Variants in NALF1 observed in about 807,000 individuals in gnomAD.
The protein encoded by NALF1 is NALCN channel auxiliary factor 1, also known as family with sequence similarity 155 member A.
NALF1 carries 3 observed loss-of-function variants against 48.4 expected under a neutral mutation model. The ratio of observed to expected loss-of-function variants is 0.06; its 90% CI spans 0.03 to 0.16. The LOEUF (loss-of-function observed/expected upper bound fraction) is 0.16, where lower values mean the gene tolerates loss of function less well. Ranked by LOEUF, NALF1 falls within the 10% of genes least tolerant of loss-of-function variation. NALF1 has a pLI of 1.00. For synonymous variants in NALF1, 262 were observed against 245.7 expected (o/e 1.07, Z -0.62); for missense variants, 526 against 571.5 (o/e 0.92, Z 0.81).
chr13:107,481,948 G>T (rs183939951), intron 1 of NALF1, among the ~76,000 whole-genome samples: 12 of 152,188 alleles, frequency 7.9e-5, no homozygotes, highest in Non-Finnish European at 1.6e-4. Context: ...CCTTAATTCT[G>T]CCATTTGCAT....
At chr13:107,347,796 T>TA (rs1419644714) in intron 1 of NALF1, among the ~76,000 whole-genome samples, 1 of 152,248 alleles carries the variant, frequency 6.6e-6, no homozygotes, top group African/African-American at 2.4e-5. Context: ...AACTCAGACT[T>TA]AACAATGTCC....
At position 107,557,820 on chromosome 13, in the gene NALF1, T is replaced by C. The variant is rs771812540; in HGVS notation, c.915+307862A>G. On this transcript the variant is annotated intron_variant, in intron 1 of 2. Coordinates refer to ENST00000375915, the MANE Select transcript of NALF1 (RefSeq NM_001080396.3). ...GTGAAAAAGCAAGCACGGACACCCATGCAGCTGAGGAACCGAAAAGAGGCT... is the reference window on the plus strand; with the variant it reads ...GTGAAAAAGCAAGCACGGACACCCACGCAGCTGAGGAACCGAAAAGAGGCT... Among the ~76,000 whole-genome samples, 27 of 152,154 alleles carry C rather than the reference T, an allele frequency of 1.8e-4. 1 individual carries two copies. In the South Asian group the frequency reaches 1.9e-3, roughly 11 times the overall value.
In NALF1 at chr13:107,553,623, A is replaced by G. The variant is rs149504352; in HGVS notation, c.915+312059T>C. 2.5e-3 allele frequency among the ~76,000 whole-genome samples: 376 copies of G among 152,338 alleles called. 2 individuals are homozygous for G. The highest frequency in any genetic ancestry group is 8.2e-3 in the African/African-American group (342 of 41,580). On this transcript the variant is annotated intron_variant, in intron 1 of 2. Coordinates refer to ENST00000375915, the MANE Select transcript of NALF1 (RefSeq NM_001080396.3). ...ATGTCCTAGTTGAATTGTCATATCA[A>G]TAAAATCTCACCAATCAAAATATTC...
intron 1 of NALF1, among the ~76,000 whole-genome samples, chr13:107,437,647 A>G (rs1884484511): frequency 6.6e-6 from 1 of 152,226 alleles, no homozygotes; most frequent in Non-Finnish European, 1.5e-5. Context: ...CCAACTTAGA[A>G]AAAGTGTCAG....
intron 1 of NALF1, among the ~76,000 whole-genome samples, chr13:107,698,060 T>A (rs909299749): frequency 5.3e-5 from 8 of 152,170 alleles, no homozygotes; most frequent in Non-Finnish European, 7.4e-5. Flanking sequence ...CTTGCTTTTT[T>A]AAATTTCTTC....
chr13:107,671,318 A>G (rs1184748398), intron 1 of NALF1, among the ~76,000 whole-genome samples: 2 of 152,108 alleles, frequency 1.3e-5, no homozygotes, highest in Non-Finnish European at 2.9e-5. Context: ...AGAATTACAC[A>G]GGGGAGTTTT....
At chr13:107,368,183 A>AC (rs1883184713) in intron 1 of NALF1, among the ~76,000 whole-genome samples, 1 of 152,218 alleles carries the variant, frequency 6.6e-6, no homozygotes, top group Non-Finnish European at 1.5e-5. Context: ...ACTAAAAGTT[A>AC]TAACACCAAT....
At chr13:107,336,072 C>T (rs1438818234) in intron 1 of NALF1, among the ~76,000 whole-genome samples, 1 of 152,070 alleles carries the variant, frequency 6.6e-6, no homozygotes, top group Non-Finnish European at 1.5e-5. Flanking sequence ...CTAATATCAG[C>T]CAGTCATGGC....
chr13:107,338,907 C>A (rs760706229), intron 1 of NALF1, among the ~76,000 whole-genome samples: 1 of 151,772 alleles, frequency 6.6e-6, no homozygotes, highest in Non-Finnish European at 1.5e-5. Context: ...CTGAGGTGGG[C>A]GGATCACGAG....
intron 1 of NALF1, among the ~76,000 whole-genome samples, chr13:107,259,496 A>G (rs1253572256): frequency 2.0e-5 from 3 of 152,146 alleles, no homozygotes; most frequent in Non-Finnish European, 4.4e-5. Context: ...CAGGACATTG[A>G]GAGGCATGAG....
At chr13:107,276,131 T>C (rs1847663012) in intron 1 of NALF1, among the ~76,000 whole-genome samples, 1 of 152,124 alleles carries the variant, frequency 6.6e-6, no homozygotes, top group Admixed American at 6.6e-5. Flanking sequence ...TGCCATATTC[T>C]ATTCATTAGA....
At chr13:107,627,102 G>A (rs1039433241) in intron 1 of NALF1, among the ~76,000 whole-genome samples, 1 of 145,774 alleles carries the variant, frequency 6.9e-6, no homozygotes, top group African/African-American at 2.4e-5. Context: ...TGTAGACTAA[G>A]GGGATTTTTG....
chr13:107,652,925 G>A (rs1880484099), intron 1 of NALF1, among the ~76,000 whole-genome samples: 1 of 151,998 alleles, frequency 6.6e-6, no homozygotes, highest in South Asian at 2.1e-4. Context: ...TCAAATTGCT[G>A]GAATCTGAAT....
chr13:107,739,876 A>T (rs1479833810), intron 1 of NALF1, among the ~76,000 whole-genome samples: 1 of 152,186 alleles, frequency 6.6e-6, no homozygotes, highest in East Asian at 1.9e-4. Context: ...CATGTGAGGG[A>T]TCTAGGTTGT....
intron 1 of NALF1, among the ~76,000 whole-genome samples, chr13:107,427,642 G>A (rs1884303515): frequency 6.6e-6 from 1 of 152,112 alleles, no homozygotes; most frequent in Admixed American, 6.6e-5. Flanking sequence ...TGATACATTT[G>A]CTTTTTAAAA....
chr13:107,634,838 G>A (rs567450771), intron 1 of NALF1, among the ~76,000 whole-genome samples: 4 of 152,228 alleles, frequency 2.6e-5, no homozygotes, highest in Admixed American at 6.5e-5. Flanking sequence ...ACTCTACAGA[G>A]AGCAAATGGT....
chr13:107,785,976 G>A (rs1374868151), intron 1 of NALF1, among the ~76,000 whole-genome samples: 2 of 152,152 alleles, frequency 1.3e-5, no homozygotes, highest in Non-Finnish European at 2.9e-5. Flanking sequence ...GCCAGGCAGA[G>A]TGTTCCCACA....
At chr13:107,513,904 C>G (rs1875974776) in intron 1 of NALF1, among the ~76,000 whole-genome samples, 1 of 152,216 alleles carries the variant, frequency 6.6e-6, no homozygotes, top group Non-Finnish European at 1.5e-5. Context: ...GTATCCATCC[C>G]TCCTCCTTAC....
At chr13:107,698,880 G>A (rs1186200208) in intron 1 of NALF1, among the ~76,000 whole-genome samples, 2 of 152,112 alleles carry the variant, frequency 1.3e-5, no homozygotes, top group Non-Finnish European at 2.9e-5. Context: ...TGATAGAGTG[G>A]TGACAGACAT....
Sources: gnomAD v4.1 joint callset for allele counts (sites outside exome capture counted in the v4.1 genomes callset) on GRCh38, gnomAD v4.1.1 for gene constraint, MANE v1.5 for transcripts, NCBI Gene and HGNC (gene_info 2026-07-23, HGNC 2026-07-21) for gene names.